Variants in CAPN2 observed in about 807,000 individuals in gnomAD.
The protein encoded by CAPN2 is calpain 2.
CAPN2 carries 92 observed loss-of-function variants against 102.3 expected under a neutral mutation model. The observed-to-expected ratio is 0.90, with a 90% confidence interval of 0.76 to 1.07. The LOEUF (loss-of-function observed/expected upper bound fraction) is 1.07. CAPN2 is among the 50% of genes least tolerant of loss of function. The probability of loss-of-function intolerance (pLI) is 0.00; values close to 1 mark genes in which losing one functional copy is unlikely to be tolerated. For synonymous variants in CAPN2, 340 were observed against 355.4 expected, an observed-to-expected ratio of 0.96 and a Z score of 0.49; for missense variants, 800 against 909.4, an observed-to-expected ratio of 0.88 and a Z score of 1.55.
intron 2 of CAPN2, among the ~76,000 whole-genome samples, chr1:223,723,938 A>G (rs1416121173): frequency 6.6e-6 from 1 of 151,274 alleles, no homozygotes; most frequent in Admixed American, 6.6e-5. Flanking sequence ...CCTGCTCCCC[A>G]TGGGCCTCTG....
chr1:223,751,468 C>G (rs1268224736), intron 7 of CAPN2, among the ~76,000 whole-genome samples: 2 of 152,318 alleles, frequency 1.3e-5, no homozygotes, highest in South Asian at 2.1e-4. Context: ...TGCTCTGCCT[C>G]AGGTTGGAGA....
intron 7 of CAPN2, among the ~76,000 whole-genome samples, chr1:223,751,533 AG>A (rs1660897602): frequency 6.6e-6 from 1 of 152,110 alleles, no homozygotes; most frequent in Admixed American, 6.5e-5. Flanking sequence ...GGCAGTGGTT[AG>A]TTTACCCTGT....
chr1:223,752,163 A>T, intron 8 of CAPN2, 92 bp downstream of exon 8: 1 of 887,782 alleles, frequency 1.1e-6, no homozygotes, highest in South Asian at 1.4e-5. Context: ...GGCCAAAGTG[A>T]GTTTACCATG....
rs1157680908 is a variant in CAPN2, at chr1:223,755,801, G to A, written c.1305+152G>A. On this transcript the variant is annotated intron_variant, in intron 10 of 20. Transcript: ENST00000295006. The surrounding 1 kb of genome is among the most constrained non-coding windows in gnomAD (Gnocchi z 4.1). ...AAAACTACCAGCCTGGCCAGGCTCAGGAGTAGCCCCCGTAGGGAGGCCCCT... is the reference window on the plus strand; with the variant it reads ...AAAACTACCAGCCTGGCCAGGCTCAAGAGTAGCCCCCGTAGGGAGGCCCCT... 3.8e-6 allele frequency: 3 copies of A among 790,728 alleles called. No individual in the cohort carries two copies. In the African/African-American group the frequency reaches 5.3e-5, roughly 14 times the overall value. The allele number at this position is 790,728 out of a possible 1,614,324, so 49.0% of individuals were successfully genotyped here. A position where few individuals can be genotyped will look rare whatever the true frequency, so the allele number is the denominator to read the frequency against.
At chr1:223,766,501 C>T (rs1228509100) in intron 16 of CAPN2, 70 bp downstream of exon 16, 2 of 1,197,820 alleles carry the variant, frequency 1.7e-6, no homozygotes, top group Non-Finnish European at 1.2e-6. Flanking sequence ...AAGATTCAAA[C>T]ACATGGCCTT....
intron 1 of CAPN2, 93 bp downstream of exon 1, chr1:223,712,970 C>T (rs1337324649): frequency 3.2e-6 from 3 of 946,526 alleles, no homozygotes; most frequent in Non-Finnish European, 4.2e-6. Context: ...GGGGGCAGCC[C>T]GGGTGCTGCA....
chr1:223,728,006 C>G (rs1400310443), intron 2 of CAPN2, among the ~76,000 whole-genome samples: 3 of 152,138 alleles, frequency 2.0e-5, no homozygotes, highest in Admixed American at 6.5e-5. Flanking sequence ...GCTCCATTCT[C>G]TTGCTGGCAC....
chr1:223,705,631 G>A (rs115741500), intron 1 of CAPN2, among the ~76,000 whole-genome samples: 1,726 of 152,244 alleles, frequency 0.011, 31 homozygotes, highest in African/African-American at 0.039. Flanking sequence ...AATTATGGAC[G>A]GGGCCAACTC....
At chr1:223,717,672 G>T in intron 1 of CAPN2, 90 bp from the exon 2 acceptor site, 1 of 976,756 alleles carries the variant, frequency 1.0e-6, no homozygotes, top group Non-Finnish European at 1.6e-6. Context: ...GGGGAGAAGG[G>T]GTTAGAAGAC....
chr1:223,750,571 T>A (rs1660861390), intron 6 of CAPN2, among the ~76,000 whole-genome samples: 1 of 152,248 alleles, frequency 6.6e-6, no homozygotes, highest in Non-Finnish European at 1.5e-5. Context: ...AAAGCTTCTC[T>A]GAGCTCCTTT....
At chr1:223,712,373 A>G, upstream of CAPN2, 1 of 883,420 alleles carries the variant, frequency 1.1e-6, no homozygotes, top group Non-Finnish European at 1.4e-6. Context: ...AGCTGTCCGC[A>G]GATGGCAGCA....
Position 223,712,890 on chromosome 1 carries a change from C to A in CAPN2, c.237+13C>A. On this transcript the variant is annotated intron_variant, in intron 1 of 20. Coordinates refer to ENST00000295006, the MANE Select transcript of CAPN2 (RefSeq NM_001748.5). ...GAAGCGCCCCACGGTAGGAAGCGCG[C>A]GGCAGGACGCGGGCAGGGCGGGGTG... is the stretch of plus-strand genomic sequence containing the variant. 1.3e-6 allele frequency: 2 copies of A among 1,500,982 alleles called. No individual in the cohort carries two copies. Among genetic ancestry groups the A allele is most frequent in the Non-Finnish European group, 1.8e-6 (2 of 1,123,816 alleles). The allele number at this position is 1,500,982 out of a possible 1,614,324, so 93.0% of individuals were successfully genotyped here.
rs558683367 is a variant in CAPN2, at chr1:223,756,114, C to G, written c.1305+465C>G. ...GGGGAACATTGGTCATGATGCTCCC[C>G]CCAGGGCTCTGATGGCTGGAGCCCA... On this transcript the variant is annotated intron_variant, in intron 10 of 20. Coordinates refer to ENST00000295006, the MANE Select transcript of CAPN2 (RefSeq NM_001748.5). The surrounding 1 kb of genome is among the most constrained non-coding windows in gnomAD (Gnocchi z 4.1). 9.8e-5 allele frequency among the ~76,000 whole-genome samples: 15 copies of G among 152,322 alleles called. No homozygotes were observed. Among genetic ancestry groups the G allele is most frequent in the Middle Eastern group, 3.4e-3 (1 of 294 alleles).
In CAPN2 at chr1:223,775,176, G is replaced by GA; in HGVS notation, c.*319_*320insA. ...TCCTGTTCATAGCAATATTAAATCAGGAAAAAAAAATGCAGGGAGGTATTT... is the reference window on the plus strand; with the variant it reads ...TCCTGTTCATAGCAATATTAAATCAGAGAAAAAAAAATGCAGGGAGGTATTT... On this transcript the variant is annotated 3_prime_UTR_variant, in exon 21 of 21. Transcript: ENST00000295006. The GA allele has an allele frequency of 3.9e-6, 1 of 254,718 alleles. No homozygotes were observed. Among genetic ancestry groups the GA allele is most frequent in the Non-Finnish European group, 7.4e-6 (1 of 135,308 alleles). The allele number at this position is 254,718 out of a possible 1,614,324, so 15.8% of individuals were successfully genotyped here.
rs930805224 is a variant in CAPN2 at position 223,729,640 on chromosome 1, G to A, written c.307+11809G>A. ...AGGCACAGGGGCTGGAGGGGGCTCC[G>A]AGTCACAGGTGGATTCAGAGATTTT... On this transcript the variant is annotated intron_variant, in intron 2 of 20. Coordinates refer to ENST00000295006, the MANE Select transcript of CAPN2 (RefSeq NM_001748.5). Among the ~76,000 whole-genome samples, 3 of 152,142 alleles carry A rather than the reference G, an allele frequency of 2.0e-5. No homozygotes were observed. In the East Asian group the frequency reaches 5.8e-4, roughly 29 times the overall value.
At position 223,717,754 on chromosome 1, in the gene CAPN2, G is replaced by A. The variant is rs779062011; in HGVS notation, c.238-8G>A. On this transcript the variant is annotated splice_region_variant and splice_polypyrimidine_tract_variant and intron_variant, in intron 1 of 20. Coordinates refer to ENST00000295006, the MANE Select transcript of CAPN2 (RefSeq NM_001748.5). ...AGGCTAACAGCACTTTGTGGGTCTC[G>A]TTCCCAGGAGATCTGCGCTGACCCC... is the stretch of plus-strand genomic sequence containing the variant. 4.0e-5 allele frequency: 65 copies of A among 1,613,428 alleles called. No homozygotes were observed. The Admixed American group carries it at 8.8e-4, about 22-fold the overall frequency.
At chr1:223,705,681 A>C (rs1433259351) in intron 1 of CAPN2, among the ~76,000 whole-genome samples, 2 of 152,204 alleles carry the variant, frequency 1.3e-5, no homozygotes, top group African/African-American at 4.8e-5. Context: ...TGAGGTGATC[A>C]CTTCCCATGG....
chr1:223,752,849 T>G lies in CAPN2; in HGVS notation c.1028T>G (p.Leu343Arg). The G allele has an allele frequency of 1.2e-6, 2 of 1,614,118 alleles. No individual in the cohort carries two copies. The highest frequency in any genetic ancestry group is 1.7e-6 in the Non-Finnish European group (2 of 1,179,992). ...TATTCCCGCCTGGAGATCTGTAACC[T>G]GACCCCAGACACTCTCACCAGCGAT... ...RHYSRLEICN[L>R]TPDTLTSDTY... The change falls in exon 9 of 21, where the codon CTG (leucine) becomes CGG (arginine). Residue 343 changes from leucine (L) to arginine (R), a missense_variant. Coordinates refer to ENST00000295006, the MANE Select transcript of CAPN2 (RefSeq NM_001748.5).
Position 223,728,477 on chromosome 1 carries a change from C to T in CAPN2, c.307+10646C>T, listed in dbSNP as rs891812120. 2.6e-5 allele frequency among the ~76,000 whole-genome samples: 4 copies of T among 152,294 alleles called. No individual in the cohort carries two copies. In the Middle Eastern group the frequency reaches 0.014, roughly 518 times the overall value. Reference sequence around the variant, plus strand: ...CGACCTAGGCTTGGAAGTCACATAGCATCACTTCTGCCATATCCTATTCAT... The same window carrying T: ...CGACCTAGGCTTGGAAGTCACATAGTATCACTTCTGCCATATCCTATTCAT... On this transcript the variant is annotated intron_variant, in intron 2 of 20. Transcript: ENST00000295006.
Sources: allele counts gnomAD v4.1 joint callset (sites outside exome capture counted in the v4.1 genomes callset), GRCh38; gene constraint gnomAD v4.1.1; non-coding constraint Gnocchi (gnomAD v3.1); transcripts MANE v1.5; gene names NCBI Gene and HGNC (gene_info 2026-07-23, HGNC 2026-07-21).